Variants in UNC5B observed in about 807,000 individuals in gnomAD.
The protein encoded by UNC5B is netrin receptor UNC5B.
A neutral mutation model predicts 103.7 loss-of-function variants in UNC5B; 56 were observed. The ratio of observed to expected loss-of-function variants is 0.54; its 90% CI spans 0.44 to 0.67. UNC5B has a LOEUF of 0.67. UNC5B is among the 30% of genes least tolerant of loss of function. UNC5B has a pLI of 0.00. For missense variants in UNC5B, 1,194 were observed against 1,284.5 expected (o/e 0.93, Z 1.08); for synonymous variants, 577 against 542.0 (o/e 1.06, Z -0.90).
At chr10:71,296,129 C>A (rs1845406036) in intron 14 of UNC5B, among the ~76,000 whole-genome samples, 169 bp downstream of exon 14, 1 of 152,224 alleles carries the variant, frequency 6.6e-6, no homozygotes, top group African/African-American at 2.4e-5. Flanking sequence ...TCAGCCATCC[C>A]CAGGCACGTC....
chr10:71,288,363 A>G (rs1365887108), intron 6 of UNC5B, among the ~76,000 whole-genome samples: 1 of 152,188 alleles, frequency 6.6e-6, no homozygotes, highest in Non-Finnish European at 1.5e-5. Flanking sequence ...TCCACCTGCC[A>G]GGTGCATCTG....
At chr10:71,257,377 G>A (rs141492175) in intron 1 of UNC5B, among the ~76,000 whole-genome samples, 36 of 152,338 alleles carry the variant, frequency 2.4e-4, no homozygotes, top group Admixed American at 4.6e-4. Context: ...AAGAAGAGAC[G>A]CCCACCTCAG....
intron 1 of UNC5B, among the ~76,000 whole-genome samples, chr10:71,253,476 G>A (rs1001251361): frequency 6.6e-6 from 1 of 152,218 alleles, no homozygotes; most frequent in African/African-American, 2.4e-5. Context: ...GTAGCAGGTG[G>A]GCAGGCTGGC....
intron 1 of UNC5B, among the ~76,000 whole-genome samples, chr10:71,218,766 C>G (rs1384136516): frequency 6.6e-6 from 1 of 152,224 alleles, no homozygotes; most frequent in African/African-American, 2.4e-5. Context: ...TGACCTGGGT[C>G]AGCTTATGCT....
rs1465342771 is a variant in UNC5B, at chr10:71,286,741, T to G, written c.605T>G (p.Phe202Cys). The G allele has an allele frequency of 6.2e-7, 1 of 1,613,986 alleles. No homozygotes were observed. ...DVIDPTQDTN[F>C]LLTIDHNLII... ...ATCGACCCCACCCAGGACACCAACTTCCTGCTCACCATCGACCACAACCTC... is the reference window on the plus strand; with the variant it reads ...ATCGACCCCACCCAGGACACCAACTGCCTGCTCACCATCGACCACAACCTC... Residue 202 changes from phenylalanine to cysteine, a missense_variant, in exon 5 of 17, where the codon TTC (phenylalanine) becomes TGC (cysteine). Transcript: ENST00000335350.
chr10:71,213,036 C>G lies in UNC5B; in HGVS notation c.51C>G (p.Leu17=), dbSNP rs374572217. Residue 17 remains leucine (L), a synonymous_variant, in exon 1 of 17, where the codon CTC becomes CTG. Transcript: ENST00000335350. The surrounding 1 kb of genome is among the most constrained non-coding windows in gnomAD (Gnocchi z 4.1). ...GCGCGCTGCTGCTGGCACTGCTGCT[C>G]TGCTGGGACCCGAGGCTGAGCCAAG... is the stretch of plus-strand genomic sequence containing the variant. ...ARGALLLALL[L]CWDPRLSQAG... 1.9e-4 allele frequency: 274 copies of G among 1,419,146 alleles called. No individual in the cohort carries two copies. Among genetic ancestry groups the G allele is most frequent in the Non-Finnish European group, 2.4e-4 (260 of 1,080,514 alleles). The allele number at this position is 1,419,146 out of a possible 1,614,324, so 87.9% of individuals were successfully genotyped here.
intron 8 of UNC5B, among the ~76,000 whole-genome samples, chr10:71,290,032 G>A (rs1039935453): frequency 1.3e-5 from 2 of 152,224 alleles, no homozygotes; most frequent in African/African-American, 4.8e-5. Context: ...AGCCATCTTG[G>A]CCGCCATTTT....
At chr10:71,262,519 C>A (rs888066688) in intron 1 of UNC5B, among the ~76,000 whole-genome samples, 3 of 152,108 alleles carry the variant, frequency 2.0e-5, no homozygotes, top group African/African-American at 7.2e-5. Flanking sequence ...CAGAGGAGCC[C>A]GCCCGGGAGA....
intron 1 of UNC5B, among the ~76,000 whole-genome samples, chr10:71,272,870 G>T (rs1393560916): frequency 8.3e-6 from 1 of 121,210 alleles, no homozygotes; most frequent in Non-Finnish European, 1.8e-5. Context: ...CCAGGCACAT[G>T]CACTGCCTGT....
At position 71,279,825 on chromosome 10, in the gene UNC5B, T is replaced by C; in HGVS notation, c.84T>C (p.Thr28=). The C allele has an allele frequency of 1.2e-6, 2 of 1,612,924 alleles. No homozygotes were observed. The highest frequency in any genetic ancestry group is 2.7e-5 in the African/African-American group (2 of 75,024). The change falls in exon 2 of 17, where the codon ACT becomes ACC. Residue 28 remains threonine, a synonymous_variant. Coordinates refer to ENST00000335350, the MANE Select transcript of UNC5B (RefSeq NM_170744.5). ...AGGTCTCCACTCACTCTGCAGGCAC[T>C]GATTCTGGCAGCGAGGTGCTCCCTG... is the stretch of plus-strand genomic sequence containing the variant. ...CWDPRLSQAG[T]DSGSEVLPDS... is the part of the protein sequence containing the mutation.
At chr10:71,293,660 A>G in intron 12 of UNC5B, 40 bp from the exon 13 acceptor site, 3 of 1,603,758 alleles carry the variant, frequency 1.9e-6, no homozygotes, top group Non-Finnish European at 2.6e-6. Flanking sequence ...CCCAGCCTGA[A>G]TAACTGTGAC....
intron 14 of UNC5B, 143 bp downstream of exon 14, chr10:71,296,103 C>A: frequency 8.1e-7 from 1 of 1,239,044 alleles, no homozygotes; most frequent in Non-Finnish European, 1.1e-6. Flanking sequence ...CTCCTCCCAC[C>A]CCAGTCTCTA....
chr10:71,231,289 T>C (rs78796325), intron 1 of UNC5B, among the ~76,000 whole-genome samples: 1 of 152,172 alleles, frequency 6.6e-6, no homozygotes, highest in East Asian at 1.9e-4. Context: ...GAGTATGGGC[T>C]CGGCCATTGC....
At chr10:71,266,576 ATTCCCTCC>A (rs1291868932) in intron 1 of UNC5B, among the ~76,000 whole-genome samples, 1 of 152,114 alleles carries the variant, frequency 6.6e-6, no homozygotes, top group Non-Finnish European at 1.5e-5. Context: ...AGTCTGTTTC[ATTCCCTCC>A]TTCTAGCTTG....
intron 4 of UNC5B, among the ~76,000 whole-genome samples, chr10:71,285,807 G>A (rs778914038): frequency 1.5e-4 from 23 of 152,094 alleles, no homozygotes; most frequent in Non-Finnish European, 2.8e-4. Flanking sequence ...TCTCCCCCAC[G>A]AGCTGATCAC....
intron 1 of UNC5B, among the ~76,000 whole-genome samples, chr10:71,226,833 G>A (rs114648789): frequency 3.9e-5 from 6 of 152,126 alleles, no homozygotes; most frequent in African/African-American, 1.2e-4. Flanking sequence ...ACAAAGCTTG[G>A]ATAAAATACT....
At chr10:71,264,899 C>T (rs1256915841) in intron 1 of UNC5B, among the ~76,000 whole-genome samples, 1 of 149,758 alleles carries the variant, frequency 6.7e-6, no homozygotes, top group East Asian at 2.0e-4. Flanking sequence ...TTTGGGAAGC[C>T]GAAATAGGAG....
intron 1 of UNC5B, among the ~76,000 whole-genome samples, chr10:71,221,190 G>A (rs899512462): frequency 2.6e-5 from 4 of 152,104 alleles, no homozygotes; most frequent in Admixed American, 6.5e-5. Flanking sequence ...CTGGGAACTC[G>A]GTCCCTTTTT....
At chr10:71,267,062 CG>C (rs1037070648) in intron 1 of UNC5B, among the ~76,000 whole-genome samples, 1 of 152,090 alleles carries the variant, frequency 6.6e-6, no homozygotes, top group African/African-American at 2.4e-5. Flanking sequence ...CAGGCATCCA[CG>C]GGGGGTCTTG....
Sources: gnomAD v4.1 joint callset for allele counts (sites outside exome capture counted in the v4.1 genomes callset) on GRCh38, gnomAD v4.1.1 for gene constraint, Gnocchi (gnomAD v3.1) non-coding constraint, MANE v1.5 for transcripts, NCBI Gene and HGNC (gene_info 2026-07-23, HGNC 2026-07-21) for gene names.